Variants in NEURL1 observed in about 807,000 individuals in gnomAD.
NEURL1 encodes E3 ubiquitin-protein ligase NEURL1.
Under a neutral mutation model 41.2 loss-of-function variants are expected in NEURL1, and 26 were observed. That is an observed-to-expected ratio of 0.63 (90% CI 0.46 to 0.87). NEURL1 has a LOEUF of 0.87. Ranked by LOEUF, NEURL1 falls within the 40% of genes least tolerant of loss-of-function variation. The pLI, the probability that NEURL1 is intolerant of heterozygous loss-of-function variation, is 0.00. For missense variants in NEURL1, 761 were observed against 871.1 expected (o/e 0.87, Z 1.59); for synonymous variants, 400 against 402.3 (o/e 0.99, Z 0.07).
intron 3 of NEURL1, chr10:103,577,999 T>G (rs2133881182): frequency 6.6e-6 from 1 of 152,268 alleles, no homozygotes; most frequent in East Asian, 1.9e-4. Flanking sequence ...TACTGGGGCC[T>G]TGGAGAGAGT....
chr10:103,509,234 C>CAA lies in NEURL1; in HGVS notation c.85+14779_85+14780dup, dbSNP rs56319349. ...TGGGTGACAGAGCAAGACTCTGTCT[C>CAA]AAAAAAAAAAAAAAAAAAGAGAAAG... is the stretch of plus-strand genomic sequence containing the variant. On this transcript the variant is annotated intron_variant, in intron 1 of 5. Coordinates refer to ENST00000369780, the MANE Select transcript of NEURL1 (RefSeq NM_004210.5). 5.6e-3 allele frequency among the ~76,000 whole-genome samples: 630 copies of CAA among 111,512 alleles called. 8 individuals carry two copies. The highest frequency in any genetic ancestry group is 0.019 in the African/African-American group (611 of 32,722). 73.2% of individuals were successfully genotyped at this position (111,512 alleles called of 152,430 possible). A position where few individuals can be genotyped will look rare whatever the true frequency, so the allele number is the denominator to read the frequency against.
At chr10:103,515,184 C>T (rs3740474) in intron 1 of NEURL1, among the ~76,000 whole-genome samples, 36,079 of 143,768 alleles carry the variant, frequency 0.25, 5,781 homozygotes, top group African/African-American at 0.45. Flanking sequence ...GCTGAGATCA[C>T]GCCGCCGTAC....
chr10:103,540,088 AAT>A (rs1255736870), intron 1 of NEURL1, among the ~76,000 whole-genome samples: 1 of 152,190 alleles, frequency 6.6e-6, no homozygotes, highest in South Asian at 2.1e-4. Context: ...GAAAACACTT[AAT>A]ATATTTTAAA....
intron 1 of NEURL1, among the ~76,000 whole-genome samples, chr10:103,544,367 G>A (rs1218598850): frequency 6.6e-6 from 1 of 152,172 alleles, no homozygotes; most frequent in African/African-American, 2.4e-5. Flanking sequence ...CCCATCCTGG[G>A]TTTCCCACCA....
intron 1 of NEURL1, among the ~76,000 whole-genome samples, chr10:103,533,682 G>A (rs549560451): frequency 1.0e-3 from 153 of 152,166 alleles, no homozygotes; most frequent in African/African-American, 3.4e-3. Context: ...GACTACAGGC[G>A]CCCGCCATCA....
At chr10:103,505,132 C>A (rs1228263965) in intron 1 of NEURL1, among the ~76,000 whole-genome samples, 1 of 150,880 alleles carries the variant, frequency 6.6e-6, no homozygotes, top group Non-Finnish European at 1.5e-5. Flanking sequence ...TGGCTTGCTG[C>A]AGCCTCAACC....
At chr10:103,498,748 T>G (rs552476374) in intron 1 of NEURL1, among the ~76,000 whole-genome samples, 1 of 152,250 alleles carries the variant, frequency 6.6e-6, no homozygotes, top group Non-Finnish European at 1.5e-5. Context: ...TTTGTCTGTA[T>G]GGACTCGCCT....
intron 1 of NEURL1, among the ~76,000 whole-genome samples, chr10:103,561,059 G>T (rs1477587399): frequency 3.3e-5 from 5 of 152,188 alleles, no homozygotes; most frequent in Admixed American, 3.3e-4. Context: ...GCTTCGCAAG[G>T]CTTGCCAAGC....
At chr10:103,535,416 C>T (rs2034670572) in intron 1 of NEURL1, among the ~76,000 whole-genome samples, 2 of 152,152 alleles carry the variant, frequency 1.3e-5, no homozygotes, top group South Asian at 4.1e-4. Context: ...CACAGTTGCT[C>T]AGCTTGGCCA....
At chr10:103,503,669 C>G (rs1166904686) in intron 1 of NEURL1, among the ~76,000 whole-genome samples, 1 of 152,124 alleles carries the variant, frequency 6.6e-6, no homozygotes, top group Non-Finnish European at 1.5e-5. Context: ...CTCACCACTT[C>G]CAGCTTACCC....
At chr10:103,569,685 A>G (rs1024597759) in intron 1 of NEURL1, among the ~76,000 whole-genome samples, 3 of 152,326 alleles carry the variant, frequency 2.0e-5, no homozygotes, top group East Asian at 3.9e-4. Flanking sequence ...TCCAGCCCTC[A>G]TAGCCTGACC....
At chr10:103,588,131 C>T (rs970998522) in intron 4 of NEURL1, among the ~76,000 whole-genome samples, 4 of 151,814 alleles carry the variant, frequency 2.6e-5, no homozygotes, top group African/African-American at 7.3e-5. Flanking sequence ...GATGAAACCC[C>T]GTTTCTACTA....
At position 103,585,002 on chromosome 10, in the gene NEURL1, C is replaced by A; in HGVS notation, c.1116C>A (p.Phe372Leu). 2 of 1,570,470 alleles carry A rather than the reference C, an allele frequency of 1.3e-6. No individual in the cohort carries two copies. Among genetic ancestry groups the A allele is most frequent in the Admixed American group, 1.8e-5 (1 of 57,040 alleles). Residue 372 changes from phenylalanine to leucine, a missense_variant, in exon 4 of 6, where the codon TTC becomes TTA. This residue lies in a region of NEURL1 where 443 missense variants were observed against 408.1 expected (regional missense o/e 1.09). Coordinates refer to ENST00000369780, the MANE Select transcript of NEURL1 (RefSeq NM_004210.5). The stretch of plus-strand genomic sequence containing the variant: ...CGCTGCGGCCGGCCGACCTGCCTTT[C>A]AGCCCTGAGGCCCTGGTGGACCGCA... The part of the protein sequence containing the change: ...PGTLRPADLP[F>L]SPEALVDRKE...
intron 1 of NEURL1, among the ~76,000 whole-genome samples, chr10:103,555,955 G>C (rs549491449): frequency 1.3e-5 from 2 of 152,236 alleles, no homozygotes; most frequent in Non-Finnish European, 2.9e-5. Flanking sequence ...GTCTGTGCTC[G>C]TGAGTAGGCA....
At chr10:103,589,690 T>C in intron 5 of NEURL1, 30 bp downstream of exon 5, 1 of 1,591,536 alleles carries the variant, frequency 6.3e-7, no homozygotes, top group Non-Finnish European at 8.6e-7. Flanking sequence ...TGTTCCTTGG[T>C]GACCATGTGG....
intron 1 of NEURL1, 55 bp downstream of exon 1, chr10:103,494,527 G>C (rs2033635281): frequency 1.4e-6 from 2 of 1,456,288 alleles, no homozygotes; most frequent in Non-Finnish European, 1.8e-6. Flanking sequence ...GGAGGGCCAG[G>C]GAGGTGTGGT....
chr10:103,538,562 CT>C (rs2034747216), intron 1 of NEURL1, among the ~76,000 whole-genome samples: 2 of 151,534 alleles, frequency 1.3e-5, no homozygotes, highest in South Asian at 4.2e-4. Flanking sequence ...CAGAGTGAGA[CT>C]CCGTCTCAAA....
intron 1 of NEURL1, among the ~76,000 whole-genome samples, chr10:103,497,368 T>C (rs1161116417): frequency 2.0e-5 from 3 of 152,224 alleles, no homozygotes; most frequent in Non-Finnish European, 4.4e-5. Context: ...TCATCTCTAA[T>C]TCTTGTCAGT....
rs888748207 is a variant in NEURL1 at position 103,524,358 on chromosome 10, T to C, written c.85+29886T>C. 1.4e-4 allele frequency among the ~76,000 whole-genome samples: 22 copies of C among 152,236 alleles called. 1 individual carries two copies. Among genetic ancestry groups the C allele is most frequent in the Admixed American group, 1.4e-3 (21 of 15,276 alleles). On this transcript the variant is annotated intron_variant, in intron 1 of 5. Transcript: ENST00000369780. ...TTCTGGATATTAACCCCTTGTCAGA[T>C]GAATAGTTTGCAAATATTTTCTCCT...
Sources: gnomAD v4.1 joint callset for allele counts (sites outside exome capture counted in the v4.1 genomes callset) on GRCh38, gnomAD v4.1.1 for gene constraint, gnomAD v4.1.1 regional missense constraint, MANE v1.5 for transcripts, NCBI Gene and HGNC (gene_info 2026-07-23, HGNC 2026-07-21) for gene names.